The following NF1 variants were observed in gnomAD, a reference collection of about 807,000 sequenced individuals.
NF1 encodes the protein neurofibromin 1.
NF1 carries 122 observed loss-of-function variants against 325.7 expected under a neutral mutation model. The observed-to-expected ratio is 0.37, with a 90% confidence interval of 0.32 to 0.44. The LOEUF is 0.44. Ranked by LOEUF, NF1 falls within the 20% of genes least tolerant of loss-of-function variation. NF1 has a pLI of 1.00. For synonymous variants in NF1, 1,091 were observed against 1,186.0 expected (o/e 0.92, Z 1.65); for missense variants, 2,140 against 3,415.4 (o/e 0.63, Z 9.31).
intron 36 of NF1, chr17:31,295,750 T>C (rs778744916): frequency 1.2e-6 from 2 of 1,614,146 alleles, no homozygotes; most frequent in Non-Finnish European, 1.7e-6. Context: ...GGTAAAGATG[T>C]GTGAGATTTG....
rs776447057 is a variant in NF1, at chr17:31,229,356, G to A, written c.2741G>A (p.Arg914Gln). The part of the protein sequence containing the change: ...CNHEKVGLQI[R>Q]TNVKDLVGLE... ...CATGAGAAAGTGGGACTTCAAATACGGACCAATGTTAAGGATCTGGTGGGT... is the reference window on the plus strand; with the variant it reads ...CATGAGAAAGTGGGACTTCAAATACAGACCAATGTTAAGGATCTGGTGGGT... Residue 914 changes from arginine (R) to glutamine (Q), a missense_variant, in exon 21 of 58, where the codon CGG (arginine) becomes CAG (glutamine). Physicochemically the swap from Arg to Gln is conservative, Grantham distance 43 (BLOSUM62 1). Transcript: ENST00000358273. 4 of 1,613,754 alleles carry A rather than the reference G, an allele frequency of 2.5e-6. No individual in the cohort carries two copies. The highest frequency in any genetic ancestry group is 1.3e-5 in the African/African-American group (1 of 74,892).
intron 36 of NF1, chr17:31,320,466 G>A (rs1192386031): frequency 1.3e-6 from 2 of 1,586,648 alleles, no homozygotes; most frequent in Non-Finnish European, 1.7e-6. Flanking sequence ...TGAACATCAA[G>A]GTTTTATAAG....
chr17:31,113,402 C>T (rs187418985), intron 1 of NF1, among the ~76,000 whole-genome samples: 15 of 152,174 alleles, frequency 9.9e-5, no homozygotes, highest in Admixed American at 4.6e-4. Context: ...CATGCCACCA[C>T]GCTCGGCTCA....
intron 11 of NF1, among the ~76,000 whole-genome samples, chr17:31,205,009 A>G (rs1326256172): frequency 3.9e-5 from 6 of 152,154 alleles, no homozygotes; most frequent in Non-Finnish European, 7.4e-5. Flanking sequence ...GTAAACAACC[A>G]TACTGTCCCA....
At chr17:31,297,105 A>T (rs1034984467) in intron 36 of NF1, 4 of 152,228 alleles carry the variant, frequency 2.6e-5, no homozygotes, top group African/African-American at 9.6e-5. Flanking sequence ...TTAAAAGAAA[A>T]AGGAAAAAGA....
intron 8 of NF1, among the ~76,000 whole-genome samples, chr17:31,191,857 G>C (rs1282854299): frequency 1.3e-5 from 2 of 152,096 alleles, no homozygotes; most frequent in African/African-American, 4.8e-5. Flanking sequence ...TCTTTTTAAG[G>C]TTAGTGAGGT....
intron 1 of NF1, among the ~76,000 whole-genome samples, chr17:31,098,008 A>G (rs908670759): frequency 3.3e-5 from 5 of 151,920 alleles, no homozygotes; most frequent in African/African-American, 9.7e-5. Context: ...TGCCTGGCCT[A>G]TTCCTCACAT....
At chr17:31,142,679 AAC>A (rs1916308184) in intron 1 of NF1, among the ~76,000 whole-genome samples, 1 of 152,158 alleles carries the variant, frequency 6.6e-6, no homozygotes, top group African/African-American at 2.4e-5. Context: ...CATCCTGGGT[AAC>A]ACAGTGAAAC....
At chr17:31,098,690 T>C (rs1912005180) in intron 1 of NF1, among the ~76,000 whole-genome samples, 1 of 152,088 alleles carries the variant, frequency 6.6e-6, no homozygotes, top group Non-Finnish European at 1.5e-5. Context: ...TCCCAGCACT[T>C]TGGGAGGCCG....
At chr17:31,355,427 A>G (rs1407859011) in intron 51 of NF1, among the ~76,000 whole-genome samples, 1 of 152,160 alleles carries the variant, frequency 6.6e-6, no homozygotes, top group Non-Finnish European at 1.5e-5. Context: ...GGACTGTTAA[A>G]TTATTTGGCC....
intron 36 of NF1, among the ~76,000 whole-genome samples, chr17:31,302,124 G>A (rs2068586400): frequency 6.6e-6 from 1 of 151,714 alleles, no homozygotes; most frequent in South Asian, 2.1e-4. Flanking sequence ...CCCCAGCAAA[G>A]AATTTCTTTA....
intron 48 of NF1, chr17:31,345,663 G>A (rs2069957142): frequency 1.9e-6 from 3 of 1,614,248 alleles, no homozygotes; most frequent in Middle Eastern, 3.3e-4. Context: ...GGCCAGCACC[G>A]AAGTTGGTGA....
intron 36 of NF1, among the ~76,000 whole-genome samples, chr17:31,288,872 C>T (rs1384337550): frequency 6.6e-6 from 1 of 152,030 alleles, no homozygotes; most frequent in African/African-American, 2.4e-5. Context: ...TAGCCAAATC[C>T]TCCCTCATTC....
chr17:31,310,455 A>G (rs1215118736), intron 36 of NF1, among the ~76,000 whole-genome samples: 1 of 152,118 alleles, frequency 6.6e-6, no homozygotes, highest in Non-Finnish European at 1.5e-5. Context: ...ATTGAAGTAG[A>G]TGAAAGAAGC....
intron 8 of NF1, among the ~76,000 whole-genome samples, chr17:31,184,518 G>A (rs996326063): frequency 6.0e-5 from 9 of 150,820 alleles, no homozygotes; most frequent in African/African-American, 1.7e-4. Flanking sequence ...GCGAGGTGGC[G>A]GGCGCCTGTA....
intron 8 of NF1, among the ~76,000 whole-genome samples, chr17:31,188,369 T>C (rs2066279329): frequency 6.6e-6 from 1 of 152,264 alleles, no homozygotes; most frequent in South Asian, 2.1e-4. Flanking sequence ...CTTTTTCTTT[T>C]ATCATATGAC....
At position 31,334,683 on chromosome 17, in the gene NF1, CTACAAAAA is replaced by C. The variant is rs759561427; in HGVS notation, c.5813-152_5813-145del. ...TTCAAGGACTGTTCTTTCTTCGCCT[CTACAAAAA>C]TATATTTGCCAAGTGTCTTTTCTCC... On this transcript the variant is annotated intron_variant, in intron 39 of 57. Transcript: ENST00000358273. 3.4e-5 allele frequency: 22 copies of C among 650,444 alleles called. No homozygotes were observed. The South Asian group carries it at 4.2e-4, about 12-fold the overall frequency. 40.3% of individuals were successfully genotyped at this position (650,444 alleles called of 1,614,324 possible).
At chr17:31,161,549 G>T (rs960846801) in intron 3 of NF1, among the ~76,000 whole-genome samples, 1 of 152,208 alleles carries the variant, frequency 6.6e-6, no homozygotes, top group Non-Finnish European at 1.5e-5. Flanking sequence ...TCCATTGATT[G>T]TGTGTTAATT....
At chr17:31,370,424 C>CT (rs983662714) in intron 57 of NF1, among the ~76,000 whole-genome samples, 1 of 151,866 alleles carries the variant, frequency 6.6e-6, no homozygotes, top group Non-Finnish European at 1.5e-5. Flanking sequence ...CTTCCAGTTT[C>CT]TTTTTTTTAT....
Sources: allele counts gnomAD v4.1 joint callset (sites outside exome capture counted in the v4.1 genomes callset), GRCh38; gene constraint gnomAD v4.1.1; transcripts MANE v1.5; gene names NCBI Gene and HGNC (gene_info 2026-07-23, HGNC 2026-07-21).